DENND1B: variants seen among roughly 807,000 people sequenced by gnomAD.
DENND1B encodes DENN domain containing 1B, also known as DENN domain-containing protein 1B.
DENND1B carries 59 observed loss-of-function variants against 90.1 expected under a neutral mutation model. The observed-to-expected ratio is 0.65, with a 90% CI of 0.53 to 0.81. The LOEUF (loss-of-function observed/expected upper bound fraction) is 0.81. DENND1B is among the 40% of genes least tolerant of loss of function. The probability of loss-of-function intolerance (pLI) is 0.00; values close to 1 mark genes in which losing one functional copy is unlikely to be tolerated. For missense variants in DENND1B, 862 were observed against 912.6 expected, an observed-to-expected ratio of 0.94 and a Z score of 0.71; for synonymous variants, 337 against 324.6, an observed-to-expected ratio of 1.04 and a Z score of -0.41.
In DENND1B at chr1:197,583,144, A is replaced by C. The variant is rs756458041; in HGVS notation, c.1149+8T>G. 6.2e-7 allele frequency: 1 copy of C among 1,612,508 alleles called. No individual in the cohort carries two copies. The highest frequency in any genetic ancestry group is 8.5e-7 in the Non-Finnish European group (1 of 1,178,648). On this transcript the variant is annotated splice_region_variant and intron_variant, in intron 15 of 22. Transcript: ENST00000620048. ...TTACAAAAGAAAAATGTGGAGGTCC[A>C]CTCTTACCTGCTTAAAAAGCTGGAG...
At chr1:197,553,966 C>T (rs1369518807) in intron 15 of DENND1B, among the ~76,000 whole-genome samples, 1 of 152,002 alleles carries the variant, frequency 6.6e-6, no homozygotes, top group Non-Finnish European at 1.5e-5. Context: ...GACTATCTTC[C>T]ATTGCCTGTT....
intron 13 of DENND1B, among the ~76,000 whole-genome samples, chr1:197,602,901 T>A (rs538451620): frequency 2.6e-5 from 4 of 151,438 alleles, no homozygotes; most frequent in Non-Finnish European, 5.9e-5. Context: ...GAGCAATTTG[T>A]GTCTTTCCTT....
intron 15 of DENND1B, among the ~76,000 whole-genome samples, chr1:197,570,131 G>C (rs969699322): frequency 6.6e-5 from 10 of 151,526 alleles, no homozygotes; most frequent in Non-Finnish European, 5.9e-5. Context: ...ACTGGTTCAT[G>C]CCTGTAACCC....
In DENND1B at chr1:197,509,040, T is replaced by C. The variant is rs1667858706; in HGVS notation, c.*1420A>G. The C allele has an allele frequency of 6.6e-6, 1 of 151,782 alleles. No homozygotes were observed. The highest frequency in any genetic ancestry group is 2.4e-5 in the African/African-American group (1 of 41,384). The allele number at this position is 151,782 out of a possible 1,614,324, so 9.4% of individuals were successfully genotyped here. A position where few individuals can be genotyped will look rare whatever the true frequency, so the allele number is the denominator to read the frequency against. ...AGCATGGAAAGGGCAGGAAGAACTT[T>C]AGAGTGACAAACGCTACCTCAGCCA... On this transcript the variant is annotated 3_prime_UTR_variant, in exon 23 of 23. Transcript: ENST00000620048.
At chr1:197,662,434 T>C (rs1383126350) in intron 5 of DENND1B, among the ~76,000 whole-genome samples, 1 of 152,046 alleles carries the variant, frequency 6.6e-6, no homozygotes, top group East Asian at 1.9e-4. Flanking sequence ...AAGCAACTTA[T>C]CTAGGGTCAC....
intron 3 of DENND1B, among the ~76,000 whole-genome samples, chr1:197,675,437 T>C (rs1226783759): frequency 2.0e-5 from 3 of 151,796 alleles, no homozygotes; most frequent in African/African-American, 7.3e-5. Flanking sequence ...AAAAGGATCT[T>C]GTAAAAAAAA....
At chr1:197,705,952 C>A (rs139919528) in intron 3 of DENND1B, among the ~76,000 whole-genome samples, 14 of 152,112 alleles carry the variant, frequency 9.2e-5, no homozygotes, top group African/African-American at 3.4e-4. Flanking sequence ...TTGTACTAGA[C>A]GTAATTAATA....
At chr1:197,538,931 G>A (rs187197326) in intron 20 of DENND1B, among the ~76,000 whole-genome samples, 1 of 152,090 alleles carries the variant, frequency 6.6e-6, no homozygotes, top group Non-Finnish European at 1.5e-5. Context: ...CTTCCACCAT[G>A]GGATGACACA....
Position 197,509,220 on chromosome 1 carries a change from G to A in DENND1B, c.*1240C>T, listed in dbSNP as rs1053287643. On this transcript the variant is annotated 3_prime_UTR_variant, in exon 23 of 23. Transcript: ENST00000620048. Reference sequence around the variant, plus strand: ...AAAAAATACCCAACAAACTCCAAGAGAGGAGCATGCTACAATTTATCTGAC... The same window carrying A: ...AAAAAATACCCAACAAACTCCAAGAAAGGAGCATGCTACAATTTATCTGAC... 8 of 151,640 alleles carry A rather than the reference G, an allele frequency of 5.3e-5. No homozygotes were observed. Among genetic ancestry groups the A allele is most frequent in the African/African-American group, 1.9e-4 (8 of 41,314 alleles). 9.4% of individuals were successfully genotyped at this position (151,640 alleles called of 1,614,324 possible).
chr1:197,586,287 T>C (rs1674687373), intron 14 of DENND1B, among the ~76,000 whole-genome samples: 1 of 152,170 alleles, frequency 6.6e-6, no homozygotes, highest in Non-Finnish European at 1.5e-5. Context: ...AAAACAATGA[T>C]ATTGTTCAGA....
At chr1:197,596,635 C>T (rs939967258) in intron 13 of DENND1B, among the ~76,000 whole-genome samples, 3 of 151,830 alleles carry the variant, frequency 2.0e-5, no homozygotes, top group Non-Finnish European at 2.9e-5. Context: ...CATACATACA[C>T]ATGCACACAT....
the DENND1B span, among the ~76,000 whole-genome samples, chr1:197,782,052 A>G: frequency 2.6e-5 from 4 of 152,146 alleles, no homozygotes. Context: ...ACATTGTAGA[A>G]CTTAAAACAG....
In DENND1B at chr1:197,537,199, T is replaced by C. The variant is rs1017950177; in HGVS notation, c.1515+2765A>G. Among the ~76,000 whole-genome samples the C allele has an allele frequency of 2.0e-5, 3 of 152,194 alleles. No individual in the cohort carries two copies. In the East Asian group the frequency reaches 5.8e-4, roughly 29 times the overall value. On this transcript the variant is annotated intron_variant, in intron 20 of 22. Transcript: ENST00000620048. ...AAAACTAAAGATTGTTATTCAGATA[T>C]TATCAACATTTGCATCACAATTCTA...
At chr1:197,693,156 A>G (rs1343189198) in intron 3 of DENND1B, among the ~76,000 whole-genome samples, 2 of 151,714 alleles carry the variant, frequency 1.3e-5, no homozygotes, top group East Asian at 3.9e-4. Context: ...TTTTACAAAA[A>G]TGACCACTAG....
intron 12 of DENND1B, among the ~76,000 whole-genome samples, chr1:197,611,233 C>G (rs1202099221): frequency 6.6e-6 from 1 of 150,850 alleles, no homozygotes; most frequent in East Asian, 1.9e-4. Context: ...TGACCCAAGA[C>G]TTTGTTTTAA....
chr1:197,735,874 G>C, intron 2 of DENND1B: 2 of 1,564,970 alleles, frequency 1.3e-6, no homozygotes, highest in South Asian at 1.1e-5. Context: ...AAATTGCAGG[G>C]GGCTATTACA....
intron 15 of DENND1B, among the ~76,000 whole-genome samples, chr1:197,582,015 GA>G (rs1674288359): frequency 6.6e-6 from 1 of 152,102 alleles, no homozygotes; most frequent in South Asian, 2.1e-4. Flanking sequence ...TATGCTTGGA[GA>G]CCTCTAGGGA....
chr1:197,522,965 G>A (rs1454644447), intron 20 of DENND1B, among the ~76,000 whole-genome samples: 1 of 152,136 alleles, frequency 6.6e-6, no homozygotes, highest in East Asian at 1.9e-4. Flanking sequence ...AAGACAGGGG[G>A]AGTTTGCACA....
intron 3 of DENND1B, among the ~76,000 whole-genome samples, chr1:197,714,059 C>T (rs1440516654): frequency 1.4e-5 from 2 of 139,792 alleles, no homozygotes; most frequent in African/African-American, 5.3e-5. Flanking sequence ...TCACTGCAAC[C>T]TCCACTTCCC....
Sources: allele counts gnomAD v4.1 joint callset (sites outside exome capture counted in the v4.1 genomes callset), GRCh38; gene constraint gnomAD v4.1.1; transcripts MANE v1.5; gene names NCBI Gene and HGNC (gene_info 2026-07-23, HGNC 2026-07-21).